TMPRSS6: variants seen among roughly 807,000 people sequenced by gnomAD.
TMPRSS6 encodes transmembrane protease serine 6.
TMPRSS6 carries 67 observed loss-of-function variants against 101.5 expected under a neutral mutation model. That is an observed-to-expected ratio of 0.66 (90% CI 0.54 to 0.81). The LOEUF (loss-of-function observed/expected upper bound fraction) is 0.81. TMPRSS6 is among the 30% of genes least tolerant of loss of function. The pLI, the probability that TMPRSS6 is intolerant of heterozygous loss-of-function variation, is 0.00. For missense variants in TMPRSS6, 1,034 were observed against 1,088.7 expected, an observed-to-expected ratio of 0.95 and a Z score of 0.71; for synonymous variants, 453 against 464.9, an observed-to-expected ratio of 0.97 and a Z score of 0.33.
intron 7 of TMPRSS6, among the ~76,000 whole-genome samples, chr22:37,087,365 G>A (rs1262561379): frequency 6.6e-6 from 1 of 152,224 alleles, no homozygotes; most frequent in Non-Finnish European, 1.5e-5. Flanking sequence ...TGCTGCTGGA[G>A]GGATTTCAGG....
At chr22:37,072,415 TG>T (rs1927096890) in intron 13 of TMPRSS6, among the ~76,000 whole-genome samples, 1 of 132,618 alleles carries the variant, frequency 7.5e-6, no homozygotes, top group African/African-American at 3.0e-5. Context: ...GATGGATGGA[TG>T]ATGGATTGAT....
At chr22:37,078,973 A>AAAAAGAAAGAAAGAAAGAAAG (rs1555888508) in intron 10 of TMPRSS6, among the ~76,000 whole-genome samples, 4 of 106,510 alleles carry the variant, frequency 3.8e-5, no homozygotes, top group Non-Finnish European at 7.7e-5. Flanking sequence ...GAAAGAAAGA[A>AAAAAGAAAGAAAGAAAGAAAG]AAAGAAAGAA....
chr22:37,070,926 C>T lies in TMPRSS6; in HGVS notation c.1662G>A (p.Glu554=). The T allele has an allele frequency of 6.2e-7, 1 of 1,613,126 alleles. No individual in the cohort carries two copies. Among genetic ancestry groups the T allele is most frequent in the Non-Finnish European group, 8.5e-7 (1 of 1,179,988 alleles). ...GRPDCRDGSD[E]EHCDCGLQGP... is the part of the protein sequence containing the mutation. ...CCAGGCAGGGCTCACCACAGTGCTC[C>T]TCATCCGAGCCGTCCCTGCAGTCGG... The change falls in exon 14 of 18, where the codon GAG becomes GAA. Residue 554 remains glutamate (E), a synonymous_variant. Coordinates refer to ENST00000676104, the MANE Select transcript of TMPRSS6 (RefSeq NM_001374504.1).
Position 37,065,612 on chromosome 22 carries a change from T to C in TMPRSS6, c.*468A>G, listed in dbSNP as rs2146013794. ...CTGGCAGTCTCCAGGGCTCTGAGGG[T>C]CCCCTCCGATGGGAGCACCTTCCAT... is the stretch of plus-strand genomic sequence containing the variant. On this transcript the variant is annotated 3_prime_UTR_variant, in exon 18 of 18. Transcript: ENST00000676104. 1 of 173,716 alleles carries C rather than the reference T, an allele frequency of 5.8e-6. No individual in the cohort carries two copies. The allele number at this position is 173,716 out of a possible 1,614,324, so 10.8% of individuals were successfully genotyped here.
intron 10 of TMPRSS6, chr22:37,082,529 C>T (rs1326894418): frequency 1.2e-5 from 2 of 169,142 alleles, no homozygotes; most frequent in African/African-American, 2.4e-5. Context: ...TTCCTGTGAG[C>T]GGGGGTGAAG....
rs903922738 is a variant in TMPRSS6 at position 37,084,696 on chromosome 22, G to A, written c.1086+31C>T. The A allele has an allele frequency of 6.6e-6, 10 of 1,521,000 alleles. 1 individual carries two copies. The highest frequency in any genetic ancestry group is 4.8e-5 in the South Asian group (4 of 83,602). The allele number at this position is 1,521,000 out of a possible 1,614,324, so 94.2% of individuals were successfully genotyped here. On this transcript the variant is annotated intron_variant, in intron 9 of 17. Coordinates refer to ENST00000676104, the MANE Select transcript of TMPRSS6 (RefSeq NM_001374504.1). ...GGACCTGTAGTGTGCTTGCGGCAGA[G>A]GGCAGGTGGGCAGGCAGGGTGGGGT...
Position 37,066,008 on chromosome 22 carries a change from C to A in TMPRSS6, c.*72G>T, listed in dbSNP as rs146358284. 4.2e-4 allele frequency: 672 copies of A among 1,598,136 alleles called. 3 individuals are homozygous for A. In the African/African-American group the frequency reaches 7.7e-3, roughly 18 times the overall value. Reference sequence around the variant, plus strand: ...CCCCACCCCCCGCCAGAATACTTGTCCCCCTGCTTGGCAGTTGCCCTGGGC... The same window carrying A: ...CCCCACCCCCCGCCAGAATACTTGTACCCCTGCTTGGCAGTTGCCCTGGGC... On this transcript the variant is annotated 3_prime_UTR_variant, in exon 18 of 18. Coordinates refer to ENST00000676104, the MANE Select transcript of TMPRSS6 (RefSeq NM_001374504.1).
chr22:37,106,813 C>T (rs1310904633), intron 1 of TMPRSS6, among the ~76,000 whole-genome samples: 1 of 152,202 alleles, frequency 6.6e-6, no homozygotes, highest in Non-Finnish European at 1.5e-5. Context: ...CCCAGGCCCA[C>T]GAGACCCTGC....
chr22:37,087,720 G>A (rs1020225683), intron 7 of TMPRSS6, among the ~76,000 whole-genome samples: 2 of 152,070 alleles, frequency 1.3e-5, no homozygotes, highest in Admixed American at 1.3e-4. Flanking sequence ...TGGCCTTACC[G>A]GCTCATCTTC....
chr22:37,076,944 G>A (rs1927728215), intron 10 of TMPRSS6, among the ~76,000 whole-genome samples: 2 of 152,210 alleles, frequency 1.3e-5, no homozygotes, highest in Admixed American at 1.3e-4. Context: ...ACACCCTGCG[G>A]AGCCGGCCAT....
chr22:37,109,815 G>A (rs112025606), upstream of TMPRSS6, among the ~76,000 whole-genome samples: 6 of 152,270 alleles, frequency 3.9e-5, no homozygotes, highest in African/African-American at 9.6e-5. Context: ...AGGCAGGTGC[G>A]GGAGATCTGA....
Position 37,086,367 on chromosome 22 carries a change from C to T in TMPRSS6, c.889G>A (p.Ala297Thr), listed in dbSNP as rs780451143. Residue 297 changes from alanine (A) to threonine (T), a missense_variant, in exon 8 of 18, where the codon GCC becomes ACC. Coordinates refer to ENST00000676104, the MANE Select transcript of TMPRSS6 (RefSeq NM_001374504.1). ...EPVVEVLASGAIMAVVWKKGL... is the reference protein window; with the variant it reads ...EPVVEVLASGTIMAVVWKKGL... ...TTCTTCCAGACGACCGCCATGATGG[C>T]CCCCGACGCCAGAACCTCCACCACG... The T allele has an allele frequency of 6.2e-6, 10 of 1,611,336 alleles. No homozygotes were observed. In the African/African-American group the frequency reaches 1.1e-4, roughly 17 times the overall value.
At position 37,103,382 on chromosome 22, in the gene TMPRSS6, C is replaced by A. The variant is rs1394183110; in HGVS notation, c.36G>T (p.Gly12=). 1.2e-6 allele frequency: 2 copies of A among 1,614,206 alleles called. No individual in the cohort carries two copies. Among genetic ancestry groups the A allele is most frequent in the Admixed American group, 1.7e-5 (1 of 60,030 alleles). ...PVAEAPQVAG[G]QGDGGDGEEA... ...CCTCGCCATCACCTCCGTCCCCCTG[C>A]CCGCCAGCCACCTGGGGGGCCTCGG... is the stretch of plus-strand genomic sequence containing the variant. The change falls in exon 2 of 18, where the codon GGG becomes GGT. Residue 12 remains glycine, a synonymous_variant. Transcript: ENST00000676104. The surrounding 1 kb of genome is among the most constrained non-coding windows in gnomAD (Gnocchi z 4.4).
At chr22:37,102,234 G>A (rs1930380212) in intron 2 of TMPRSS6, among the ~76,000 whole-genome samples, 1 of 152,214 alleles carries the variant, frequency 6.6e-6, no homozygotes, top group African/African-American at 2.4e-5. Flanking sequence ...TCCCTCCTGT[G>A]GCTTCCCAGC....
At chr22:37,089,544 G>GC in intron 7 of TMPRSS6, 34 bp downstream of exon 7, 1 of 1,348,866 alleles carries the variant, frequency 7.4e-7, no homozygotes. Flanking sequence ...CCCTTTTCCA[G>GC]CCCTCCCTCC....
intron 16 of TMPRSS6, among the ~76,000 whole-genome samples, chr22:37,067,508 ATGAG>A (rs1480669202): frequency 1.3e-5 from 2 of 152,150 alleles, no homozygotes; most frequent in Non-Finnish European, 2.9e-5. Context: ...GCCCGTGTGG[ATGAG>A]TGTCTTCCTC....
At chr22:37,075,109 G>T in intron 11 of TMPRSS6, 26 bp downstream of exon 11, 1 of 1,613,668 alleles carries the variant, frequency 6.2e-7, no homozygotes, top group South Asian at 1.1e-5. Context: ...TCACTGCAGG[G>T]GGTTCCCCCG....
rs543140654 is a variant in TMPRSS6, at chr22:37,084,122, G to A, written c.1196+173C>T. 6.7e-4 allele frequency: 442 copies of A among 655,644 alleles called. 4 individuals are homozygous for A. In the Middle Eastern group the frequency reaches 0.011, roughly 17 times the overall value. The allele number at this position is 655,644 out of a possible 1,614,324, so 40.6% of individuals were successfully genotyped here. On this transcript the variant is annotated intron_variant, in intron 10 of 17. Coordinates refer to ENST00000676104, the MANE Select transcript of TMPRSS6 (RefSeq NM_001374504.1). ...CCGGGGCCAGGGCGGAGGCTGGGAC[G>A]AGGACAAGGTCAAGGGCAACAGGCC...
intron 6 of TMPRSS6, among the ~76,000 whole-genome samples, chr22:37,093,294 C>T (rs1172424033): frequency 6.6e-6 from 1 of 151,638 alleles, no homozygotes; most frequent in Non-Finnish European, 1.5e-5. Context: ...GACACAGAGG[C>T]ACGAGGCAAC....
Sources: allele counts gnomAD v4.1 joint callset (sites outside exome capture counted in the v4.1 genomes callset), GRCh38; gene constraint gnomAD v4.1.1; non-coding constraint Gnocchi (gnomAD v3.1); transcripts MANE v1.5; gene names NCBI Gene and HGNC (gene_info 2026-07-23, HGNC 2026-07-21).